The following HMGA2 variants were observed in gnomAD, a reference collection of about 807,000 sequenced individuals.
HMGA2 encodes high mobility group AT-hook 2, also known as high mobility group protein HMGI-C.
Under a neutral mutation model 19.1 loss-of-function variants are expected in HMGA2, and 8 were observed. That is an observed-to-expected ratio of 0.42 (90% confidence interval 0.25 to 0.76). The LOEUF is 0.76. HMGA2 is among the 30% of genes least tolerant of loss of function. The probability of loss-of-function intolerance (pLI) is 0.28; values close to 1 mark genes in which losing one functional copy is unlikely to be tolerated. For missense variants in HMGA2, 109 were observed against 136.3 expected, an observed-to-expected ratio of 0.80 and a Z score of 1.00; for synonymous variants, 60 against 48.8, an observed-to-expected ratio of 1.23 and a Z score of -0.96.
At chr12:65,868,746 C>A (rs944225743) in intron 3 of HMGA2, among the ~76,000 whole-genome samples, 1 of 152,096 alleles carries the variant, frequency 6.6e-6, no homozygotes, top group Admixed American at 6.5e-5. Context: ...CTAACTCTTT[C>A]ATTTAAACTC....
intron 3 of HMGA2, among the ~76,000 whole-genome samples, chr12:65,865,661 G>A (rs1872362799): frequency 7.1e-6 from 1 of 140,734 alleles, no homozygotes; most frequent in Admixed American, 7.3e-5. Flanking sequence ...TTGAGACAGA[G>A]TCTCGCTCTG....
At chr12:65,924,119 C>T (rs1189218628) in intron 3 of HMGA2, among the ~76,000 whole-genome samples, 1 of 152,128 alleles carries the variant, frequency 6.6e-6, no homozygotes, top group Admixed American at 6.6e-5. Context: ...GACTTAAATT[C>T]CTCTTAGGGT....
intron 2 of HMGA2, among the ~76,000 whole-genome samples, chr12:65,834,266 C>G (rs936779923): frequency 4.6e-5 from 7 of 152,106 alleles, no homozygotes; most frequent in African/African-American, 1.7e-4. Context: ...TTTGAAGGGC[C>G]ACTCCAAAGG....
chr12:65,853,658 G>T (rs565497610), intron 3 of HMGA2, among the ~76,000 whole-genome samples: 142 of 152,206 alleles, frequency 9.3e-4, no homozygotes, highest in Non-Finnish European at 1.7e-3. Context: ...GATTCTGAGC[G>T]GGCAGAGTGG....
intron 3 of HMGA2, among the ~76,000 whole-genome samples, chr12:65,892,339 GGCCTGCCAGCACCACGA>G (rs1431513089): frequency 9.2e-5 from 14 of 152,056 alleles, no homozygotes; most frequent in African/African-American, 2.9e-4. Context: ...TATTGAACTT[GGCCTGCCAGCACCACGA>G]GAGTCGTCCC....
intron 3 of HMGA2, among the ~76,000 whole-genome samples, chr12:65,933,535 G>A (rs1364567941): frequency 1.3e-5 from 2 of 152,074 alleles, no homozygotes; most frequent in African/African-American, 2.4e-5. Flanking sequence ...ATAACATTTT[G>A]TATACAGAAT....
intron 4 of HMGA2, chr12:65,952,691 C>A (rs1327741061): frequency 6.2e-6 from 2 of 325,060 alleles, no homozygotes; most frequent in Non-Finnish European, 1.1e-5. Context: ...ATATATTTAG[C>A]CTCTCATCCT....
intron 3 of HMGA2, among the ~76,000 whole-genome samples, chr12:65,883,449 A>G (rs904198430): frequency 6.6e-6 from 1 of 152,222 alleles, no homozygotes; most frequent in Non-Finnish European, 1.5e-5. Context: ...AGTTTCCACA[A>G]CAACCTTATG....
intron 3 of HMGA2, among the ~76,000 whole-genome samples, chr12:65,908,965 C>A (rs1874724641): frequency 1.3e-5 from 2 of 152,178 alleles, no homozygotes; most frequent in African/African-American, 4.8e-5. Context: ...AACACATCCG[C>A]TGGCAGAAGA....
intron 3 of HMGA2, chr12:65,874,011 A>G (rs1038035922): frequency 2.0e-5 from 3 of 152,242 alleles, no homozygotes; most frequent in Non-Finnish European, 4.4e-5. Context: ...ATAGCCTACT[A>G]TTGCACTTTG....
At chr12:65,909,919 C>T (rs529424331) in intron 3 of HMGA2, among the ~76,000 whole-genome samples, 77 of 152,214 alleles carry the variant, frequency 5.1e-4, no homozygotes, top group Non-Finnish European at 1.1e-3. Context: ...ATTTGGCTCA[C>T]GTAGTCCTCT....
intron 3 of HMGA2, among the ~76,000 whole-genome samples, chr12:65,861,648 T>C (rs1329537815): frequency 6.7e-6 from 1 of 148,494 alleles, no homozygotes; most frequent in Non-Finnish European, 1.5e-5. Flanking sequence ...AAAACCTAGA[T>C]ACTATATATA....
intron 3 of HMGA2, among the ~76,000 whole-genome samples, chr12:65,939,377 A>G (rs1876007034): frequency 6.6e-6 from 1 of 150,996 alleles, no homozygotes; most frequent in Non-Finnish European, 1.5e-5. Flanking sequence ...TCTTTTTGAG[A>G]CCGAGTCTCG....
intron 3 of HMGA2, chr12:65,874,147 G>A (rs1327901609): frequency 6.6e-6 from 1 of 151,928 alleles, no homozygotes; most frequent in African/African-American, 2.4e-5. Context: ...GGGAATAAGA[G>A]TAAGAATTTA....
intron 3 of HMGA2, among the ~76,000 whole-genome samples, chr12:65,860,399 A>G (rs942330183): frequency 1.3e-5 from 2 of 152,252 alleles, no homozygotes; most frequent in African/African-American, 4.8e-5. Flanking sequence ...TATCACTTTC[A>G]CACCATCGTA....
chr12:65,843,909 T>C lies in HMGA2; in HGVS notation c.249+5340T>C, dbSNP rs940391511. Among the ~76,000 whole-genome samples, 9 of 151,854 alleles carry C rather than the reference T, an allele frequency of 5.9e-5. No homozygotes were observed. The South Asian group carries it at 1.7e-3, about 28-fold the overall frequency. ...ATCAATAATACAAAAACTACCTGAG[T>C]GTGGTGGCCCATGCCTGTAGTCCCA... On this transcript the variant is annotated intron_variant, in intron 3 of 4. Coordinates refer to ENST00000403681, the MANE Select transcript of HMGA2 (RefSeq NM_003483.6).
intron 3 of HMGA2, among the ~76,000 whole-genome samples, chr12:65,921,714 GA>G (rs747282488): frequency 9.8e-5 from 15 of 152,346 alleles, no homozygotes; most frequent in Admixed American, 6.5e-5. Flanking sequence ...GACCATGGGG[GA>G]AATGTCTCCA....
At chr12:65,951,563 A>G (rs1876462164) in intron 4 of HMGA2, 148 bp downstream of exon 4, 3 of 632,320 alleles carry the variant, frequency 4.7e-6, no homozygotes, top group Non-Finnish European at 5.7e-6. Flanking sequence ...TGTAGCCTTC[A>G]AAGTTAGGAA....
chr12:65,917,042 G>T (rs1875127172), intron 3 of HMGA2, among the ~76,000 whole-genome samples: 1 of 152,202 alleles, frequency 6.6e-6, no homozygotes, highest in Admixed American at 6.5e-5. Context: ...AGGAAGAGGT[G>T]TCAGGGCTGA....
Sources: gnomAD v4.1 joint callset for allele counts (sites outside exome capture counted in the v4.1 genomes callset) on GRCh38, gnomAD v4.1.1 for gene constraint, MANE v1.5 for transcripts, NCBI Gene and HGNC (gene_info 2026-07-23, HGNC 2026-07-21) for gene names.